The following PROCR variants were observed in gnomAD, a reference collection of about 807,000 sequenced individuals.
The protein encoded by PROCR is protein C receptor.
In PROCR, 22 loss-of-function variants were observed where a neutral mutation model predicts 24.2. The observed-to-expected ratio is 0.91, with a 90% CI of 0.65 to 1.30. The LOEUF (loss-of-function observed/expected upper bound fraction) is 1.30, where lower values mean the gene tolerates loss of function less well. Ranked by LOEUF, PROCR falls within the 50% of genes most tolerant of loss-of-function variation. The probability of loss-of-function intolerance (pLI) is 0.00; values close to 1 mark genes in which losing one functional copy is unlikely to be tolerated. For missense variants in PROCR, 288 were observed against 307.7 expected (o/e 0.94, Z 0.48); for synonymous variants, 137 against 139.2 (o/e 0.98, Z 0.11).
intron 1 of PROCR, among the ~76,000 whole-genome samples, chr20:35,188,605 G>C (rs999560079): frequency 2.0e-5 from 3 of 152,186 alleles, no homozygotes; most frequent in Non-Finnish European, 2.9e-5. Context: ...TGATATAATA[G>C]CACAAAGACA....
At chr20:35,207,993 G>A (rs532359012) in intron 1 of PROCR, among the ~76,000 whole-genome samples, 1 of 152,232 alleles carries the variant, frequency 6.6e-6, no homozygotes, top group South Asian at 2.1e-4. Flanking sequence ...ACCTGCCCTG[G>A]GCACTTTAGT....
downstream of PROCR, among the ~76,000 whole-genome samples, chr20:35,178,470 C>T (rs1481243518): frequency 9.5e-6 from 1 of 105,428 alleles, no homozygotes; most frequent in Non-Finnish European, 1.9e-5. Context: ...TTAAGTTTTA[C>T]TTCTTTGAAC....
intron 1 of PROCR, among the ~76,000 whole-genome samples, chr20:35,214,060 G>A (rs142795581): frequency 0.02 from 3,094 of 151,994 alleles, 88 homozygotes; most frequent in African/African-American, 0.071. Flanking sequence ...GGGTAACAGA[G>A]CGTGACTCCA....
In PROCR at chr20:35,172,181, G is replaced by A; in HGVS notation, c.27G>A (p.Leu9=). The A allele has an allele frequency of 6.2e-7, 1 of 1,614,182 alleles. No individual in the cohort carries two copies. Among genetic ancestry groups the A allele is most frequent in the Non-Finnish European group, 8.5e-7 (1 of 1,180,036 alleles). MLTTLLPI[L]LLSGWAFCSQ... is the part of the protein sequence containing the mutation. ...TGTTGACAACATTGCTGCCGATACT[G>A]CTGCTGTCTGGCTGGGCCTTTTGTA... Residue 9 remains leucine, a synonymous_variant, in exon 1 of 4, where the codon CTG becomes CTA. Coordinates refer to ENST00000216968, the MANE Select transcript of PROCR (RefSeq NM_006404.5).
At chr20:35,201,490 C>T (rs374643952) in intron 1 of PROCR, among the ~76,000 whole-genome samples, 2 of 152,286 alleles carry the variant, frequency 1.3e-5, no homozygotes, top group African/African-American at 4.8e-5. Context: ...GAGTTCAAGA[C>T]CAGCCTGGCC....
chr20:35,181,475 AT>A (rs2086078918), downstream of PROCR, among the ~76,000 whole-genome samples: 1 of 151,794 alleles, frequency 6.6e-6, no homozygotes, highest in Admixed American at 6.6e-5. Flanking sequence ...GGGTTTCACC[AT>A]GTTGGTCAGG....
intron 1 of PROCR, among the ~76,000 whole-genome samples, chr20:35,193,178 CT>C (rs369192046): frequency 1.5e-3 from 207 of 142,162 alleles, no homozygotes; most frequent in East Asian, 1.6e-3. Flanking sequence ...TTCTTTCTTT[CT>C]TTTTTTTTTT....
At chr20:35,173,270 C>T (rs1026738958) in intron 1 of PROCR, among the ~76,000 whole-genome samples, 9 of 151,960 alleles carry the variant, frequency 5.9e-5, no homozygotes, top group African/African-American at 2.2e-4. Context: ...TGTTTGGAGA[C>T]AGCCAGGTAG....
At chr20:35,215,760 A>T (rs1394943667) in intron 1 of PROCR, 1 of 518,676 alleles carries the variant, frequency 1.9e-6, no homozygotes, top group African/African-American at 2.1e-5. Flanking sequence ...AAGTGATTTG[A>T]TGTAGGTAAA....
chr20:35,207,041 A>G (rs1314876924), intron 1 of PROCR, among the ~76,000 whole-genome samples: 2 of 152,222 alleles, frequency 1.3e-5, no homozygotes, highest in Non-Finnish European at 1.5e-5. Flanking sequence ...ACTCAACAAC[A>G]TGGATGAATC....
intron 1 of PROCR, among the ~76,000 whole-genome samples, chr20:35,183,391 C>T (rs2086095947): frequency 6.6e-6 from 1 of 152,160 alleles, no homozygotes; most frequent in African/African-American, 2.4e-5. Flanking sequence ...GACCTCCCCT[C>T]CTCTTTCTTG....
chr20:35,208,940 C>A (rs2060352063), intron 1 of PROCR, among the ~76,000 whole-genome samples: 1 of 152,152 alleles, frequency 6.6e-6, no homozygotes, highest in Admixed American at 6.5e-5. Context: ...CCACTGCACT[C>A]CAGCCTGGGT....
rs774032061 is a variant in PROCR at position 35,176,146 on chromosome 20, G to GA, written c.323-21dup. 19 of 1,606,554 alleles carry GA rather than the reference G, an allele frequency of 1.2e-5. No individual in the cohort carries two copies. In the South Asian group the frequency reaches 1.5e-4, roughly 12 times the overall value. On this transcript the variant is annotated intron_variant, in intron 2 of 3. Transcript: ENST00000216968. ...TGGCACCCTCTCTGCACAGTCCCCTGACCCTGACTGTCTATCCACAGTTCC... is the reference window on the plus strand; with the variant it reads ...TGGCACCCTCTCTGCACAGTCCCCTGAACCCTGACTGTCTATCCACAGTTCC...
rs2086025828 is a variant in PROCR at position 35,176,880 on chromosome 20, T to C, written c.*67T>C. On this transcript the variant is annotated 3_prime_UTR_variant, in exon 4 of 4. Coordinates refer to ENST00000216968, the MANE Select transcript of PROCR (RefSeq NM_006404.5). Reference sequence around the variant, plus strand: ...CTGGCAAGGGAAAGTTTCAGCTCACTGTGAAGCCAGACTCCCCAACTGAAA... The same window carrying C: ...CTGGCAAGGGAAAGTTTCAGCTCACCGTGAAGCCAGACTCCCCAACTGAAA... The C allele has an allele frequency of 6.3e-7, 1 of 1,577,270 alleles. No homozygotes were observed. Among genetic ancestry groups the C allele is most frequent in the Admixed American group, 1.9e-5 (1 of 54,006 alleles).
At chr20:35,195,820 CAAAAA>C (rs58205912) in intron 1 of PROCR, among the ~76,000 whole-genome samples, 2 of 77,596 alleles carry the variant, frequency 2.6e-5, no homozygotes, top group African/African-American at 4.0e-5. Flanking sequence ...GAGTCTGTCT[CAAAAA>C]AAAAAAAAAA....
intron 1 of PROCR, among the ~76,000 whole-genome samples, chr20:35,208,945 C>A (rs1049109748): frequency 6.6e-6 from 1 of 152,186 alleles, no homozygotes; most frequent in Non-Finnish European, 1.5e-5. Flanking sequence ...GCACTCCAGC[C>A]TGGGTGATAC....
At chr20:35,177,722 G>A (rs138147525), downstream of PROCR, among the ~76,000 whole-genome samples, 15 of 151,968 alleles carry the variant, frequency 9.9e-5, no homozygotes, top group East Asian at 7.8e-4. Context: ...GAGCCACTGC[G>A]CCTGGTCTTC....
At chr20:35,214,833 A>T (rs959550366) in intron 1 of PROCR, among the ~76,000 whole-genome samples, 1 of 151,716 alleles carries the variant, frequency 6.6e-6, no homozygotes, top group African/African-American at 2.4e-5. Context: ...GGGGGATTGG[A>T]CTGGGACCTT....
downstream of PROCR, among the ~76,000 whole-genome samples, chr20:35,181,534 A>G (rs2086079292): frequency 6.6e-6 from 1 of 152,186 alleles, no homozygotes; most frequent in South Asian, 2.1e-4. Context: ...TGGCCTCCCA[A>G]AGTGCTGGGA....
Sources: gnomAD v4.1 joint callset for allele counts (sites outside exome capture counted in the v4.1 genomes callset) on GRCh38, gnomAD v4.1.1 for gene constraint, MANE v1.5 for transcripts, NCBI Gene and HGNC (gene_info 2026-07-23, HGNC 2026-07-21) for gene names.